ITFG1: variants seen among roughly 807,000 people sequenced by gnomAD.
ITFG1 encodes integrin alpha FG-GAP repeat containing 1.
A neutral mutation model predicts 81.8 loss-of-function variants in ITFG1; 34 were observed. The observed-to-expected ratio is 0.42, with a 90% confidence interval of 0.32 to 0.55. The LOEUF (loss-of-function observed/expected upper bound fraction) is 0.55, where lower values mean the gene tolerates loss of function less well. ITFG1 is among the 20% of genes least tolerant of loss of function. The probability of loss-of-function intolerance (pLI) is 0.17; values close to 1 mark genes in which losing one functional copy is unlikely to be tolerated. For missense variants in ITFG1, 672 were observed against 755.4 expected, an observed-to-expected ratio of 0.89 and a Z score of 1.29; for synonymous variants, 285 against 270.6, an observed-to-expected ratio of 1.05 and a Z score of -0.52.
At chr16:47,444,322 A>G (rs1027778673) in intron 5 of ITFG1, among the ~76,000 whole-genome samples, 5 of 152,254 alleles carry the variant, frequency 3.3e-5, no homozygotes, top group African/African-American at 1.2e-4. Context: ...TGCAGCTAAA[A>G]TAATTTATGT....
intron 14 of ITFG1, among the ~76,000 whole-genome samples, chr16:47,198,650 T>C (rs748532657): frequency 1.3e-5 from 2 of 151,180 alleles, no homozygotes; most frequent in African/African-American, 2.5e-5. Context: ...ATTGTCATCA[T>C]AGGAGATGGA....
At chr16:47,170,742 T>TA (rs1964948625) in intron 14 of ITFG1, among the ~76,000 whole-genome samples, 3 of 147,450 alleles carry the variant, frequency 2.0e-5, no homozygotes, top group Admixed American at 2.0e-4. Context: ...TTATCTTTTT[T>TA]TTTTTTTTTT....
At chr16:47,420,537 G>A (rs1253466535) in intron 6 of ITFG1, among the ~76,000 whole-genome samples, 1 of 152,194 alleles carries the variant, frequency 6.6e-6, no homozygotes, top group Non-Finnish European at 1.5e-5. Context: ...GAGGAAGCGT[G>A]AGGATCATGG....
intron 10 of ITFG1, among the ~76,000 whole-genome samples, chr16:47,264,252 CCTAATTGGG>C (rs1966247178): frequency 6.6e-6 from 1 of 151,782 alleles, no homozygotes; most frequent in Non-Finnish European, 1.5e-5. Flanking sequence ...TTAAAAAAAA[CCTAATTGGG>C]TTCTGATACA....
At chr16:47,184,389 T>C (rs1260579262) in intron 14 of ITFG1, among the ~76,000 whole-genome samples, 1 of 152,098 alleles carries the variant, frequency 6.6e-6, no homozygotes, top group Non-Finnish European at 1.5e-5. Context: ...AAAGGTCGGG[T>C]TACCCACAAA....
At chr16:47,336,012 T>C (rs772938163) in intron 8 of ITFG1, among the ~76,000 whole-genome samples, 1 of 152,214 alleles carries the variant, frequency 6.6e-6, no homozygotes, top group Non-Finnish European at 1.5e-5. Flanking sequence ...ACTCATACAA[T>C]GGAATACCAC....
At position 47,440,629 on chromosome 16, in the gene ITFG1, C is replaced by T. The variant is rs183411178; in HGVS notation, c.560+10767G>A. Among the ~76,000 whole-genome samples the T allele has an allele frequency of 7.5e-4, 114 of 151,966 alleles. 1 individual carries two copies. Among genetic ancestry groups the T allele is most frequent in the African/African-American group, 2.1e-3 (89 of 41,466 alleles). ...TGAAAGCAGAAATAAAGATGTTCTTCGAAACCAACGAGAACAAAGACACAA... is the reference window on the plus strand; with the variant it reads ...TGAAAGCAGAAATAAAGATGTTCTTTGAAACCAACGAGAACAAAGACACAA... On this transcript the variant is annotated intron_variant, in intron 5 of 17. Transcript: ENST00000320640.
At chr16:47,349,780 C>T (rs1424638895) in intron 8 of ITFG1, among the ~76,000 whole-genome samples, 1 of 152,198 alleles carries the variant, frequency 6.6e-6, no homozygotes, top group Non-Finnish European at 1.5e-5. Context: ...CCACACCACA[C>T]CTATTCCAAA....
chr16:47,429,591 T>C (rs991031310), intron 5 of ITFG1, among the ~76,000 whole-genome samples: 1 of 152,332 alleles, frequency 6.6e-6, no homozygotes, highest in African/African-American at 2.4e-5. Flanking sequence ...TGTCTTATTC[T>C]TGTCCATTTA....
intron 14 of ITFG1, among the ~76,000 whole-genome samples, chr16:47,198,659 G>T (rs1451570302): frequency 6.7e-6 from 1 of 149,114 alleles, no homozygotes; most frequent in African/African-American, 2.6e-5. Flanking sequence ...ATAGGAGATG[G>T]ACAGCTCCAA....
intron 14 of ITFG1, among the ~76,000 whole-genome samples, chr16:47,208,577 G>A (rs1266710711): frequency 6.6e-6 from 1 of 152,070 alleles, no homozygotes; most frequent in African/African-American, 2.4e-5. Flanking sequence ...TAATTGTATC[G>A]CTTTTATCTT....
At chr16:47,273,691 A>G (rs1210087029) in intron 10 of ITFG1, among the ~76,000 whole-genome samples, 2 of 152,214 alleles carry the variant, frequency 1.3e-5, no homozygotes, top group African/African-American at 4.8e-5. Context: ...ATGGAATATA[A>G]CACTGTGACT....
chr16:47,325,702 G>C (rs868194747), intron 8 of ITFG1, among the ~76,000 whole-genome samples: 1 of 152,050 alleles, frequency 6.6e-6, no homozygotes, highest in African/African-American at 2.4e-5. Context: ...ACACCTCTAC[G>C]CAAATAAACT....
At chr16:47,218,210 C>T (rs1465045808) in intron 14 of ITFG1, 1 of 152,048 alleles carries the variant, frequency 6.6e-6, no homozygotes, top group African/African-American at 2.4e-5. Flanking sequence ...ATGGTTAAAA[C>T]TCTAGGCATC....
In ITFG1 at chr16:47,461,040, C is replaced by T; in HGVS notation, c.6G>A (p.Ala2=). The T allele has an allele frequency of 1.3e-6, 2 of 1,540,078 alleles. No individual in the cohort carries two copies. The highest frequency in any genetic ancestry group is 8.7e-7 in the Non-Finnish European group (1 of 1,145,386). The change falls in exon 1 of 18, where the codon GCG becomes GCA. Residue 2 remains alanine, a synonymous_variant. Coordinates refer to ENST00000320640, the MANE Select transcript of ITFG1 (RefSeq NM_030790.5). ...AGGAGCTCGGGAGCCGGCCCGCCGC[C>T]GCCATGGCAGCCCCTCAGCCCCCGC... is the stretch of plus-strand genomic sequence containing the variant. The part of the protein sequence containing the change: M[A]AAGRLPSSWA...
At chr16:47,423,834 G>A (rs766628628) in intron 6 of ITFG1, among the ~76,000 whole-genome samples, 11 of 152,148 alleles carry the variant, frequency 7.2e-5, no homozygotes, top group Non-Finnish European at 1.2e-4. Flanking sequence ...TGGGTAACCC[G>A]ACCTTTCTCT....
chr16:47,448,174 G>A (rs1038184272), intron 5 of ITFG1: 9 of 152,020 alleles, frequency 5.9e-5, no homozygotes, highest in African/African-American at 2.2e-4. Flanking sequence ...ATAGATTTAA[G>A]TGATACAATG....
intron 6 of ITFG1, among the ~76,000 whole-genome samples, chr16:47,403,668 G>C (rs1350886597): frequency 6.6e-6 from 1 of 151,750 alleles, no homozygotes; most frequent in East Asian, 1.9e-4. Context: ...CTTCAGAGAT[G>C]CATGTGCAAG....
chr16:47,360,669 A>G, intron 8 of ITFG1, among the ~76,000 whole-genome samples: 1 of 152,236 alleles, frequency 6.6e-6, no homozygotes, highest in Non-Finnish European at 1.5e-5. Flanking sequence ...ACCAATTAGC[A>G]TTCAGACTAA....
Sources: allele counts gnomAD v4.1 joint callset (sites outside exome capture counted in the v4.1 genomes callset), GRCh38; gene constraint gnomAD v4.1.1; transcripts MANE v1.5; gene names NCBI Gene and HGNC (gene_info 2026-07-23, HGNC 2026-07-21).